SUPT3H: variants seen among roughly 807,000 people sequenced by gnomAD.
SUPT3H encodes the protein transcription initiation protein SPT3 homolog.
Under a neutral mutation model 44.3 loss-of-function variants are expected in SUPT3H, and 44 were observed. The observed-to-expected ratio is 0.99, with a 90% CI of 0.78 to 1.28. The LOEUF (loss-of-function observed/expected upper bound fraction) is 1.28, where lower values mean the gene tolerates loss of function less well. Ranked by LOEUF, SUPT3H falls within the 50% of genes most tolerant of loss-of-function variation. The pLI, the probability that SUPT3H is intolerant of heterozygous loss-of-function variation, is 0.00. For synonymous variants in SUPT3H, 124 were observed against 125.6 expected (o/e 0.99, Z 0.09); for missense variants, 380 against 387.1 (o/e 0.98, Z 0.15).
chr6:45,239,587 C>G (rs1180135646), intron 2 of SUPT3H, among the ~76,000 whole-genome samples: 1 of 152,208 alleles, frequency 6.6e-6, no homozygotes, highest in Non-Finnish European at 1.5e-5. Flanking sequence ...AGCTTGTGTA[C>G]GTGTATGTGT....
intron 6 of SUPT3H, among the ~76,000 whole-genome samples, chr6:44,963,970 C>A (rs1776430611): frequency 7.0e-6 from 1 of 142,692 alleles, no homozygotes; most frequent in Non-Finnish European, 1.5e-5. Flanking sequence ...TGCACTCCAC[C>A]CTGGGAAACA....
chr6:45,056,833 TC>T (rs1791203918), intron 3 of SUPT3H, among the ~76,000 whole-genome samples: 1 of 151,690 alleles, frequency 6.6e-6, no homozygotes, highest in South Asian at 2.1e-4. Context: ...ATTACAAGTT[TC>T]CCCCAAACCA....
At chr6:45,161,641 T>C (rs1014903033) in intron 2 of SUPT3H, among the ~76,000 whole-genome samples, 6 of 152,142 alleles carry the variant, frequency 3.9e-5, no homozygotes, top group African/African-American at 1.4e-4. Flanking sequence ...TTATTTGACT[T>C]TGACCCTCCC....
intron 4 of SUPT3H, among the ~76,000 whole-genome samples, chr6:45,016,582 G>T (rs551394557): frequency 6.2e-5 from 9 of 145,096 alleles, no homozygotes; most frequent in African/African-American, 2.3e-4. Context: ...CTATGAGTGA[G>T]AACATGCAGT....
chr6:44,883,424 C>G (rs945947553), intron 10 of SUPT3H, among the ~76,000 whole-genome samples: 4 of 152,084 alleles, frequency 2.6e-5, no homozygotes, highest in South Asian at 4.2e-4. Context: ...TGGGAATAAT[C>G]AATATCATGA....
rs759086995 is a variant in SUPT3H at position 44,954,548 on chromosome 6, T to C, written c.640A>G (p.Asn214Asp). ...LDCSSMEIKP[N>D]VVAMEILAYL... Reference sequence around the variant, plus strand: ...GCTAAGATTTCCATTGCGACAACATTGGGTTTTATCTCCATACTGCTGCAG... The same window carrying C: ...GCTAAGATTTCCATTGCGACAACATCGGGTTTTATCTCCATACTGCTGCAG... Residue 214 changes from asparagine (N) to aspartate (D), a missense_variant, in exon 8 of 11, where the codon AAT (asparagine) becomes GAT (aspartate). By Grantham distance (23) the Asn-to-Asp change is conservative (BLOSUM62 1). Coordinates refer to ENST00000371459, the MANE Select transcript of SUPT3H (RefSeq NM_003599.4). The C allele has an allele frequency of 3.1e-6, 5 of 1,614,158 alleles. No individual in the cohort carries two copies. The Admixed American group carries it at 8.3e-5, about 27-fold the overall frequency.
intron 6 of SUPT3H, among the ~76,000 whole-genome samples, chr6:44,997,296 G>A (rs1781396124): frequency 6.6e-6 from 1 of 151,488 alleles, no homozygotes; most frequent in Admixed American, 6.6e-5. Context: ...TCTATATCCA[G>A]GAACATAGTG....
At chr6:45,188,914 C>T (rs941658832) in intron 2 of SUPT3H, among the ~76,000 whole-genome samples, 1 of 151,932 alleles carries the variant, frequency 6.6e-6, no homozygotes, top group Non-Finnish European at 1.5e-5. Flanking sequence ...GTATAATAAA[C>T]CTTTAAGGTG....
rs184784996 is a variant in SUPT3H, at chr6:45,238,097, C to T, written c.101+127104G>A. ...GCATGTTAAACAGTCCAACAATTTG[C>T]CAGACTTATGTAGGGCAAGCAATTG... On this transcript the variant is annotated intron_variant, in intron 2 of 10. Coordinates refer to ENST00000371459, the MANE Select transcript of SUPT3H (RefSeq NM_003599.4). Among the ~76,000 whole-genome samples, 328 of 152,206 alleles carry T rather than the reference C, an allele frequency of 2.2e-3. 1 individual carries two copies. The highest frequency in any genetic ancestry group is 0.015 in the South Asian group (72 of 4,820).
At position 45,285,928 on chromosome 6, in the gene SUPT3H, C is replaced by A. The variant is rs565617322; in HGVS notation, c.101+79273G>T. Among the ~76,000 whole-genome samples, 3 of 150,722 alleles carry A rather than the reference C, an allele frequency of 2.0e-5. No homozygotes were observed. In the South Asian group the frequency reaches 6.3e-4, roughly 32 times the overall value. ...GACCAATGGAAAAGAACAGAGCCCT[C>A]AGAAATAATGCCACGTATCTACAAC... On this transcript the variant is annotated intron_variant, in intron 2 of 10. Transcript: ENST00000371459.
At chr6:45,226,979 AGAGT>A (rs1202032181) in intron 2 of SUPT3H, among the ~76,000 whole-genome samples, 1 of 151,450 alleles carries the variant, frequency 6.6e-6, no homozygotes, top group Non-Finnish European at 1.5e-5. Context: ...CCTGAATGAC[AGAGT>A]GAGACCATCT....
chr6:44,886,988 C>A (rs2153438076), intron 10 of SUPT3H, among the ~76,000 whole-genome samples: 1 of 152,196 alleles, frequency 6.6e-6, no homozygotes, highest in South Asian at 2.1e-4. Context: ...ATAAAACAGA[C>A]TTTAAACCAA....
intron 3 of SUPT3H, among the ~76,000 whole-genome samples, chr6:45,050,878 A>AGT (rs1554221249): frequency 1.2e-5 from 1 of 86,164 alleles, no homozygotes; most frequent in Admixed American, 1.7e-4. Context: ...AGGGTATGGG[A>AGT]TTTTTTTTTT....
chr6:45,008,796 A>G (rs1261859291), intron 5 of SUPT3H, among the ~76,000 whole-genome samples: 1 of 151,426 alleles, frequency 6.6e-6, no homozygotes, highest in Non-Finnish European at 1.5e-5. Context: ...GCTGGTGTGC[A>G]ATGGCACAAT....
At chr6:45,193,740 T>C (rs1197023255) in intron 2 of SUPT3H, among the ~76,000 whole-genome samples, 1 of 151,934 alleles carries the variant, frequency 6.6e-6, no homozygotes, top group African/African-American at 2.4e-5. Context: ...AAAAATAATG[T>C]ATTCTTGTTA....
Position 45,322,832 on chromosome 6 carries a change from A to G in SUPT3H, c.101+42369T>C, listed in dbSNP as rs769645214. 7 of 1,475,688 alleles carry G rather than the reference A, an allele frequency of 4.7e-6. No homozygotes were observed. The South Asian group carries it at 6.8e-5, about 14-fold the overall frequency. 91.4% of individuals were successfully genotyped at this position (1,475,688 alleles called of 1,614,324 possible). On this transcript the variant is annotated intron_variant, in intron 2 of 10. Coordinates refer to ENST00000371459, the MANE Select transcript of SUPT3H (RefSeq NM_003599.4). ...GGCAAGATGCACTTTCTCCAACCAC[A>G]GTTAGATTCATCCAAAAGCAGTGGC...
intron 6 of SUPT3H, among the ~76,000 whole-genome samples, chr6:44,987,376 G>A (rs1306122195): frequency 2.0e-5 from 3 of 152,068 alleles, no homozygotes; most frequent in Non-Finnish European, 4.4e-5. Context: ...AATATGATAT[G>A]TGAGTAGAGA....
intron 7 of SUPT3H, among the ~76,000 whole-genome samples, chr6:44,956,264 C>A (rs1775148199): frequency 6.6e-6 from 1 of 151,852 alleles, no homozygotes; most frequent in Admixed American, 6.6e-5. Flanking sequence ...GTGGGCAGAT[C>A]ACGAGGTCAA....
intron 3 of SUPT3H, among the ~76,000 whole-genome samples, chr6:45,023,103 C>G (rs974368706): frequency 4.6e-5 from 7 of 150,742 alleles, no homozygotes; most frequent in African/African-American, 1.7e-4. Context: ...AAAAAGTGGG[C>G]AAAGGAGAAG....
Sources: allele counts gnomAD v4.1 joint callset (sites outside exome capture counted in the v4.1 genomes callset), GRCh38; gene constraint gnomAD v4.1.1; transcripts MANE v1.5; gene names NCBI Gene and HGNC (gene_info 2026-07-23, HGNC 2026-07-21).